The following LLGL2 variants were observed in gnomAD, a reference collection of about 807,000 sequenced individuals.
LLGL2 encodes LLGL scribble cell polarity complex component 2, also known as LLGL2, scribble cell polarity complex component.
A neutral mutation model predicts 123.2 loss-of-function variants in LLGL2; 81 were observed. The observed-to-expected ratio is 0.66, with a 90% CI of 0.55 to 0.79. LLGL2 has a LOEUF of 0.79. Among genes scored for constraint, LLGL2 ranks in the 30% least tolerant of loss-of-function variants. The probability of loss-of-function intolerance (pLI) is 0.00; values close to 1 mark genes in which losing one functional copy is unlikely to be tolerated. For synonymous variants in LLGL2, 577 were observed against 594.1 expected, an observed-to-expected ratio of 0.97 and a Z score of 0.42; for missense variants, 1,273 against 1,414.6, an observed-to-expected ratio of 0.90 and a Z score of 1.61.
chr17:75,556,610 C>A (rs2054924935), intron 3 of LLGL2, among the ~76,000 whole-genome samples: 1 of 152,164 alleles, frequency 6.6e-6, no homozygotes, highest in Non-Finnish European at 1.5e-5. Context: ...ACGCCCATGT[C>A]TCAGCCAGTG....
rs995926795 is a variant in LLGL2, at chr17:75,559,858, C to T, written c.530+448C>T. ...GCTAAAAAGCCTTGACCGCCACAGG[C>T]ATGTGGGTCTGTTGAGATCGTTTCA... On this transcript the variant is annotated intron_variant, in intron 6 of 25. Coordinates refer to ENST00000392550, the MANE Select transcript of LLGL2 (RefSeq NM_001031803.2). This position sits in a 1 kb window ranked among gnomAD's most constrained non-coding sequence, Gnocchi z 4.6. Among the ~76,000 whole-genome samples, 1 of 152,192 alleles carries T rather than the reference C, an allele frequency of 6.6e-6. No individual in the cohort carries two copies. The highest frequency in any genetic ancestry group is 2.4e-5 in the African/African-American group (1 of 41,438).
At position 75,568,571 on chromosome 17, in the gene LLGL2, T is replaced by C. The variant is rs1194134934; in HGVS notation, c.1132T>C (p.Tyr378His). The C allele has an allele frequency of 6.2e-7, 1 of 1,613,932 alleles. No homozygotes were observed. The highest frequency in any genetic ancestry group is 2.2e-5 in the East Asian group (1 of 44,874). The stretch of plus-strand genomic sequence containing the variant: ...AGGCTGGCCACCGGTCCAGCTGCCC[T>C]ACCTGGCTTCTCTGCACTGTTCCGC... ...TAGWPPVQLP[Y>H]LASLHCSAIT... The change falls in exon 11 of 26, where the codon TAC (tyrosine) becomes CAC (histidine). Residue 378 changes from tyrosine to histidine, a missense_variant. Coordinates refer to ENST00000392550, the MANE Select transcript of LLGL2 (RefSeq NM_001031803.2).
chr17:75,573,117 G>A lies in LLGL2; in HGVS notation c.2564G>A (p.Arg855Gln), dbSNP rs753620321. 1.9e-5 allele frequency: 31 copies of A among 1,612,866 alleles called. No individual in the cohort carries two copies. The highest frequency in any genetic ancestry group is 1.0e-4 in the Admixed American group (6 of 59,988). Residue 855 changes from arginine to glutamine, a missense_variant, in exon 20 of 26, where the codon CGA becomes CAA. Coordinates refer to ENST00000392550, the MANE Select transcript of LLGL2 (RefSeq NM_001031803.2). ...RVSVAHFGSR[R>Q]AEDYGEHHLA... Reference sequence around the variant, plus strand: ...AGCGTGGCCCACTTCGGCAGTCGTCGAGCCGAGGACTACGGGGAGCACCAC... The same window carrying A: ...AGCGTGGCCCACTTCGGCAGTCGTCAAGCCGAGGACTACGGGGAGCACCAC...
chr17:75,558,405 G>A lies in LLGL2; in HGVS notation c.256-107G>A. 8.6e-7 allele frequency: 1 copy of A among 1,161,484 alleles called. No individual in the cohort carries two copies. Among genetic ancestry groups the A allele is most frequent in the Non-Finnish European group, 1.2e-6 (1 of 821,790 alleles). The allele number at this position is 1,161,484 out of a possible 1,614,324, so 71.9% of individuals were successfully genotyped here. On this transcript the variant is annotated intron_variant, in intron 4 of 25. Coordinates refer to ENST00000392550, the MANE Select transcript of LLGL2 (RefSeq NM_001031803.2). The surrounding 1 kb of genome is among the most constrained non-coding windows in gnomAD (Gnocchi z 4.0). Reference sequence around the variant, plus strand: ...ACAGCTGGGGCTCATGGGCCACCCTGGGAGTGGCCAGGGGGTCTTTTAAAC... The same window carrying A: ...ACAGCTGGGGCTCATGGGCCACCCTAGGAGTGGCCAGGGGGTCTTTTAAAC...
At chr17:75,560,912 A>T (rs1245776735) in intron 6 of LLGL2, among the ~76,000 whole-genome samples, 1 of 150,894 alleles carries the variant, frequency 6.6e-6, no homozygotes, top group Non-Finnish European at 1.5e-5. Flanking sequence ...GCTCACTGCA[A>T]CCTCTGCTTC....
chr17:75,569,947 C>T lies in LLGL2; in HGVS notation c.1582-16C>T, dbSNP rs1288095706. On this transcript the variant is annotated splice_polypyrimidine_tract_variant and intron_variant, in intron 14 of 25. Coordinates refer to ENST00000392550, the MANE Select transcript of LLGL2 (RefSeq NM_001031803.2). The stretch of plus-strand genomic sequence containing the variant: ...CTTTGCTGAGGGCTTGCTGAGCCAC[C>T]TGCCACCCTGCGCAGGTGCTGGTAC... The T allele has an allele frequency of 8.3e-6, 13 of 1,565,820 alleles. No individual in the cohort carries two copies. The highest frequency in any genetic ancestry group is 2.3e-5 in the East Asian group (1 of 44,340).
chr17:75,570,354 A>C lies in LLGL2; in HGVS notation c.1881A>C (p.Thr627=), dbSNP rs1411086996. 6.2e-7 allele frequency: 1 copy of C among 1,611,834 alleles called. No homozygotes were observed. The highest frequency in any genetic ancestry group is 1.3e-5 in the African/African-American group (1 of 74,928). ...QQRRQVFVKC[T]LHPSDQLALE... ...AGCCTGCCATCCCCCCAAGGTGCAC[A>C]CTGCACCCCAGTGACCAGCTGGCCT... is the stretch of plus-strand genomic sequence containing the variant. Residue 627 remains threonine, a synonymous_variant, in exon 16 of 26, where the codon ACA becomes ACC. Coordinates refer to ENST00000392550, the MANE Select transcript of LLGL2 (RefSeq NM_001031803.2).
intron 1 of LLGL2, among the ~76,000 whole-genome samples, chr17:75,537,611 T>C (rs2054053597): frequency 6.6e-6 from 1 of 151,752 alleles, no homozygotes; most frequent in South Asian, 2.1e-4. Flanking sequence ...GGCAGGAGAA[T>C]TGCTTGAACC....
chr17:75,550,797 A>C (rs1207693779), intron 2 of LLGL2, among the ~76,000 whole-genome samples: 12 of 129,352 alleles, frequency 9.3e-5, no homozygotes, highest in Non-Finnish European at 1.7e-4. Flanking sequence ...AAAAAAAAAA[A>C]AAAAAAACAC....
chr17:75,553,088 A>G (rs2054749425), intron 2 of LLGL2, among the ~76,000 whole-genome samples: 1 of 152,192 alleles, frequency 6.6e-6, no homozygotes, highest in Admixed American at 6.5e-5. Context: ...CTTGTCCTGC[A>G]CATCCTATCC....
chr17:75,563,121 C>T lies in LLGL2; in HGVS notation c.636C>T (p.Leu212=), dbSNP rs141444394. ...NQILIGYSRG[L]VVIWDLQGSR... ...TCCTGATCGGCTACAGCCGAGGCCTCGTTGTCATCTGGGACCTACAGGGCA... is the reference window on the plus strand; with the variant it reads ...TCCTGATCGGCTACAGCCGAGGCCTTGTTGTCATCTGGGACCTACAGGGCA... Residue 212 remains leucine, a synonymous_variant, in exon 7 of 26, where the codon CTC becomes CTT. Transcript: ENST00000392550. 4.0e-4 allele frequency: 639 copies of T among 1,613,192 alleles called. 3 individuals are homozygous for T. The highest frequency in any genetic ancestry group is 4.9e-4 in the Non-Finnish European group (581 of 1,180,038).
chr17:75,572,953 G>C (rs907383209), intron 19 of LLGL2, 61 bp from the exon 20 acceptor site: 9 of 1,532,012 alleles, frequency 5.9e-6, no homozygotes, highest in Non-Finnish European at 7.0e-6. Flanking sequence ...CCCAGCAGCA[G>C]CAGCACAGGG....
rs766643728 is a variant in LLGL2, at chr17:75,573,206, G to C, written c.2653G>C (p.Val885Leu). Residue 885 changes from valine to leucine, a missense_variant, in exon 20 of 26, where the codon GTG (valine) becomes CTG (leucine). Transcript: ENST00000392550. ...VVSLPLLKPQ[V>L]RYSCIRREDV... ...CTCGCTGCCCCTGCTCAAGCCCCAGGTGCGCTACAGCTGCATCCGCCGGGA... is the reference window on the plus strand; with the variant it reads ...CTCGCTGCCCCTGCTCAAGCCCCAGCTGCGCTACAGCTGCATCCGCCGGGA... 62 of 1,612,652 alleles carry C rather than the reference G, an allele frequency of 3.8e-5. No individual in the cohort carries two copies. The highest frequency in any genetic ancestry group is 4.7e-5 in the Non-Finnish European group (55 of 1,179,748).
chr17:75,554,475 G>T (rs2054815724), intron 2 of LLGL2, among the ~76,000 whole-genome samples: 1 of 151,898 alleles, frequency 6.6e-6, no homozygotes, highest in Non-Finnish European at 1.5e-5. Flanking sequence ...GCCGGGTGTG[G>T]CAGGTGTGGT....
intron 17 of LLGL2, 79 bp downstream of exon 17, chr17:75,571,179 T>C (rs1037227653): frequency 7.3e-7 from 1 of 1,374,486 alleles, no homozygotes; most frequent in African/African-American, 1.4e-5. Flanking sequence ...TGCCGGGGGC[T>C]GCTGCCTGCC....
At chr17:75,562,106 G>A (rs1248334800) in intron 6 of LLGL2, among the ~76,000 whole-genome samples, 3 of 150,086 alleles carry the variant, frequency 2.0e-5, no homozygotes, top group Non-Finnish European at 3.0e-5. Context: ...GCTGTTGGCT[G>A]TTGGTCCTGT....
In LLGL2 at chr17:75,563,166, C is replaced by T; in HGVS notation, c.681C>T (p.Phe227=). The T allele has an allele frequency of 7.4e-6, 12 of 1,613,154 alleles. No individual in the cohort carries two copies. Among genetic ancestry groups the T allele is most frequent in the Non-Finnish European group, 9.3e-6 (11 of 1,180,024 alleles). ...AGGGCAGCCGCGTGCTCTACCACTT[C>T]CTCAGCAGCCAGGTAGGCAGTGCCC... The part of the protein sequence containing the change: ...DLQGSRVLYH[F]LSSQQLENIW... The change falls in exon 7 of 26, where the codon TTC becomes TTT. Residue 227 remains phenylalanine, a synonymous_variant. Transcript: ENST00000392550.
chr17:75,563,662 G>A (rs1365784197), intron 8 of LLGL2, 90 bp from the exon 9 acceptor site: 3 of 1,522,516 alleles, frequency 2.0e-6, no homozygotes, highest in East Asian at 2.3e-5. Flanking sequence ...CCATGTGGAT[G>A]TGGCATGAGC....
intron 6 of LLGL2, among the ~76,000 whole-genome samples, chr17:75,560,673 A>G (rs911811954): frequency 2.0e-5 from 3 of 150,248 alleles, no homozygotes; most frequent in Admixed American, 2.0e-4. Flanking sequence ...TTTAGTAGAG[A>G]CAGGGTTTCT....
Sources: gnomAD v4.1 joint callset for allele counts (sites outside exome capture counted in the v4.1 genomes callset) on GRCh38, gnomAD v4.1.1 for gene constraint, Gnocchi (gnomAD v3.1) non-coding constraint, MANE v1.5 for transcripts, NCBI Gene and HGNC (gene_info 2026-07-23, HGNC 2026-07-21) for gene names.